DLG5: variants seen among roughly 807,000 people sequenced by gnomAD.
DLG5 encodes the protein discs large MAGUK scaffold protein 5.
In DLG5, 48 loss-of-function variants were observed where a neutral mutation model predicts 189.8. That is an observed-to-expected ratio of 0.25 (90% CI 0.20 to 0.32). DLG5 has a LOEUF of 0.32. Among genes scored for constraint, DLG5 ranks in the 10% least tolerant of loss-of-function variants. DLG5 has a pLI of 1.00. For synonymous variants in DLG5, 1,016 were observed against 1,054.1 expected, an observed-to-expected ratio of 0.96 and a Z score of 0.70; for missense variants, 2,160 against 2,544.7, an observed-to-expected ratio of 0.85 and a Z score of 3.25.
intron 17 of DLG5, 65 bp downstream of exon 17, chr10:77,819,256 T>C (rs1842211593): frequency 1.2e-5 from 19 of 1,610,340 alleles, no homozygotes; most frequent in Admixed American, 1.7e-5. Context: ...TATGCACTCA[T>C]GGTTCCATGT....
intron 2 of DLG5, among the ~76,000 whole-genome samples, chr10:77,865,906 A>C (rs1844661798): frequency 6.6e-6 from 1 of 152,146 alleles, no homozygotes; most frequent in Non-Finnish European, 1.5e-5. Flanking sequence ...CGCTGTCTAC[A>C]CGCCCCAGGC....
In DLG5 at chr10:77,853,514, C is replaced by T; in HGVS notation, c.704G>A (p.Ser235Asn). Residue 235 changes from serine (S) to asparagine (N), a missense_variant, in exon 5 of 32, where the codon AGT becomes AAT. Ser to Asn is a conservative substitution (Grantham distance 46). Transcript: ENST00000372391. ...FYHTLHSRLL[S>N]DQTRLKDDVD... is the part of the protein sequence containing the mutation. ...GTCATCCTTCAGCCGAGTCTGGTCA[C>T]TCAGGAGCCGGCTGTGGAGTGTGCT... 6.2e-7 allele frequency: 1 copy of T among 1,608,432 alleles called. No homozygotes were observed. Among genetic ancestry groups the T allele is most frequent in the Non-Finnish European group, 8.5e-7 (1 of 1,177,694 alleles).
At chr10:77,918,307 G>A (rs1360740493) in intron 1 of DLG5, among the ~76,000 whole-genome samples, 1 of 151,984 alleles carries the variant, frequency 6.6e-6, no homozygotes, top group Non-Finnish European at 1.5e-5. Context: ...CAGCTACTTG[G>A]GAGGCTGAAG....
At chr10:77,807,762 C>T in intron 25 of DLG5, 34 bp downstream of exon 25, 1 of 1,604,554 alleles carries the variant, frequency 6.2e-7, no homozygotes, top group Non-Finnish European at 8.5e-7. Flanking sequence ...TCCTCTGGTT[C>T]CAAATCTCCC....
rs1277336605 is a variant in DLG5 at position 77,856,775 on chromosome 10, C to T, written c.491G>A (p.Arg164His). Reference sequence around the variant, plus strand: ...ATGCGTAGCAAAGGCCAGGCGCTTGCGGAGCTCGTTTCTCTCCCGGGTCAT... The same window carrying T: ...ATGCGTAGCAAAGGCCAGGCGCTTGTGGAGCTCGTTTCTCTCCCGGGTCAT... Reference protein sequence around the residue: ...RLMTRERNELRKRLAFATHGT... With the variant: ...RLMTRERNELHKRLAFATHGT... Residue 164 changes from arginine to histidine, a missense_variant, in exon 3 of 32, where the codon CGC becomes CAC. This residue lies in a region of DLG5 where 664 missense variants were observed against 838.5 expected (regional missense o/e 0.79). Transcript: ENST00000372391. The T allele has an allele frequency of 5.6e-6, 9 of 1,613,390 alleles. No homozygotes were observed. Among genetic ancestry groups the T allele is most frequent in the East Asian group, 2.2e-5 (1 of 44,880 alleles).
chr10:77,935,119 G>A, the DLG5 span, among the ~76,000 whole-genome samples: 1 of 152,232 alleles, frequency 6.6e-6, no homozygotes, highest in East Asian at 1.9e-4. Flanking sequence ...GCGTCCCAAA[G>A]TGCTGGGATT....
At position 77,854,274 on chromosome 10, in the gene DLG5, G is replaced by A. The variant is rs746290431; in HGVS notation, c.633C>T (p.Asn211=). ...DLQSLQNQHT[N]ALKRCEEVAK... ...CCACCTCCTCACACCTCTTCAAGGC[G>A]TTGGTGTGCTGGTTCTGCAGGCTCT... Residue 211 remains asparagine (N), a synonymous_variant, in exon 4 of 32, where the codon AAC becomes AAT. Coordinates refer to ENST00000372391, the MANE Select transcript of DLG5 (RefSeq NM_004747.4). 24 of 1,614,094 alleles carry A rather than the reference G, an allele frequency of 1.5e-5. No individual in the cohort carries two copies. The highest frequency in any genetic ancestry group is 1.1e-4 in the East Asian group (5 of 44,890).
chr10:77,808,439 T>C (rs1263422831), intron 24 of DLG5, among the ~76,000 whole-genome samples: 1 of 152,120 alleles, frequency 6.6e-6, no homozygotes, highest in African/African-American at 2.4e-5. Flanking sequence ...GCTAATTTTT[T>C]TGTTTTGTTT....
rs143675127 is a variant in DLG5 at position 77,905,284 on chromosome 10, A to C, written c.304+20933T>G. Among the ~76,000 whole-genome samples, 534 of 152,288 alleles carry C rather than the reference A, an allele frequency of 3.5e-3. 2 individuals carry two copies. The highest frequency in any genetic ancestry group is 0.018 in the South Asian group (89 of 4,828). ...CAAAAGTGCTGGGATTACAGGCATG[A>C]GTCACCTCATCCAGCCCATCTTCCT... On this transcript the variant is annotated intron_variant, in intron 1 of 31. Transcript: ENST00000372391.
chr10:77,889,847 T>C (rs957094983), intron 1 of DLG5, among the ~76,000 whole-genome samples: 2 of 151,972 alleles, frequency 1.3e-5, no homozygotes, highest in Non-Finnish European at 2.9e-5. Context: ...TAGGAAGTAT[T>C]TGGAAATGTG....
At chr10:77,833,832 C>A in intron 9 of DLG5, 82 bp downstream of exon 9, 1 of 1,557,786 alleles carries the variant, frequency 6.4e-7, no homozygotes, top group Non-Finnish European at 8.7e-7. Context: ...CCAATGCACT[C>A]AGCATTGCCT....
chr10:77,938,675 C>T, the DLG5 span, among the ~76,000 whole-genome samples: 1 of 152,142 alleles, frequency 6.6e-6, no homozygotes, highest in Non-Finnish European at 1.5e-5. Flanking sequence ...ATGTTCCAGG[C>T]ACTGTACTGA....
chr10:77,829,080 A>AG, intron 12 of DLG5, 95 bp from the exon 13 acceptor site: 1 of 1,380,484 alleles, frequency 7.2e-7, no homozygotes. Flanking sequence ...CTTACAAAAG[A>AG]GGATGTCAGC....
chr10:77,845,473 G>A (rs953443770), intron 5 of DLG5: 2 of 152,080 alleles, frequency 1.3e-5, no homozygotes, highest in Admixed American at 6.6e-5. Flanking sequence ...AGCAAAAGAG[G>A]GCTTAATTTA....
intron 18 of DLG5, 69 bp downstream of exon 18, chr10:77,817,708 C>T: frequency 1.4e-6 from 2 of 1,384,872 alleles, no homozygotes; most frequent in South Asian, 2.5e-5. Flanking sequence ...CAGATCTGGA[C>T]ATTAGGATGC....
At chr10:77,804,291 T>C (rs1035597412) in intron 27 of DLG5, among the ~76,000 whole-genome samples, 4 of 152,242 alleles carry the variant, frequency 2.6e-5, no homozygotes, top group Admixed American at 2.0e-4. Flanking sequence ...TAATAGACTT[T>C]TTTACATCTT....
At chr10:77,792,860 C>G (rs942827653) in intron 31 of DLG5, 4 of 349,158 alleles carry the variant, frequency 1.1e-5, no homozygotes, top group Non-Finnish European at 2.1e-5. Flanking sequence ...TAATCATTAG[C>G]AGGATTCTGC....
intron 1 of DLG5, chr10:77,869,538 C>T: frequency 3.0e-6 from 1 of 328,022 alleles, no homozygotes; most frequent in South Asian, 3.4e-5. Flanking sequence ...GTTTCCTCCA[C>T]ATCTCTAGCA....
intron 1 of DLG5, among the ~76,000 whole-genome samples, chr10:77,876,371 C>CT (rs1286819815): frequency 1.5e-5 from 2 of 132,460 alleles, no homozygotes; most frequent in African/African-American, 5.7e-5. Flanking sequence ...GACCCCATCT[C>CT]TCTTTTTTTT....
Sources: gnomAD v4.1 joint callset for allele counts (sites outside exome capture counted in the v4.1 genomes callset) on GRCh38, gnomAD v4.1.1 for gene constraint, gnomAD v4.1.1 regional missense constraint, MANE v1.5 for transcripts, NCBI Gene and HGNC (gene_info 2026-07-23, HGNC 2026-07-21) for gene names.